TRAF5: variants seen among roughly 807,000 people sequenced by gnomAD.
TRAF5 encodes TNF receptor associated factor 5.
In TRAF5, 48 loss-of-function variants were observed where a neutral mutation model predicts 64.5. That is an observed-to-expected ratio of 0.74 (90% CI 0.59 to 0.95). The LOEUF is 0.95. Among genes scored for constraint, TRAF5 ranks in the 40% least tolerant of loss-of-function variants. The pLI is 0.00. For missense variants in TRAF5, 545 were observed against 662.8 expected, an observed-to-expected ratio of 0.82 and a Z score of 1.95; for synonymous variants, 206 against 240.5, an observed-to-expected ratio of 0.86 and a Z score of 1.33.
Position 211,359,956 on chromosome 1 carries a change from T to C in TRAF5, c.423T>C (p.Asn141=), listed in dbSNP as rs1703120879. The change falls in exon 5 of 11, where the codon AAT becomes AAC. Residue 141 remains asparagine, a synonymous_variant. Coordinates refer to ENST00000261464, the MANE Select transcript of TRAF5 (RefSeq NM_001033910.3). ...TATTTCAACCTGTGCAGTGTTCTAA[T>C]GAGAAGTGCCGGGAGCCAGTCCTAC... is the stretch of plus-strand genomic sequence containing the variant. ...QCLFQPVQCS[N]EKCREPVLRK... The C allele has an allele frequency of 1.9e-6, 3 of 1,613,896 alleles. No homozygotes were observed. The highest frequency in any genetic ancestry group is 2.5e-6 in the Non-Finnish European group (3 of 1,179,798).
intron 1 of TRAF5, among the ~76,000 whole-genome samples, chr1:211,351,229 C>T (rs886312759): frequency 1.3e-5 from 2 of 151,732 alleles, no homozygotes; most frequent in African/African-American, 2.4e-5. Context: ...GGTTTCACCG[C>T]GTTAGCCAGG....
chr1:211,363,001 TAAATG>T lies in TRAF5; in HGVS notation c.696+1840_696+1844del, dbSNP rs200678206. On this transcript the variant is annotated intron_variant, in intron 7 of 10. Transcript: ENST00000261464. Reference sequence around the variant, plus strand: ...TCCAGAAAAAAATTCATTTGGCTGATAAATGTAAGAAAAGATGCTCAGTTTCACTC... The same window carrying T: ...TCCAGAAAAAAATTCATTTGGCTGATTAAGAAAAGATGCTCAGTTTCACTC... 5.5e-3 allele frequency among the ~76,000 whole-genome samples: 844 copies of T among 152,294 alleles called. 4 individuals are homozygous for T. The highest frequency in any genetic ancestry group is 0.054 in the Middle Eastern group (16 of 294).
intron 3 of TRAF5, among the ~76,000 whole-genome samples, chr1:211,355,782 A>G (rs1464444175): frequency 6.6e-6 from 1 of 152,254 alleles, no homozygotes; most frequent in African/African-American, 2.4e-5. Context: ...TTCATTTTAA[A>G]TAATCCAAAG....
At position 211,372,654 on chromosome 1, in the gene TRAF5, T is replaced by C. The variant is rs1038179578; in HGVS notation, c.1626T>C (p.Thr542=). 4.3e-6 allele frequency: 7 copies of C among 1,614,032 alleles called. No homozygotes were observed. The highest frequency in any genetic ancestry group is 5.9e-6 in the Non-Finnish European group (7 of 1,180,034). ...AGAACGCCTACATTAAAGATGACACTCTGTTCTTGAAAGTGGCCGTGGACT... is the reference window on the plus strand; with the variant it reads ...AGAACGCCTACATTAAAGATGACACCCTGTTCTTGAAAGTGGCCGTGGACT... ...NAKNAYIKDD[T]LFLKVAVDLT... is the part of the protein sequence containing the mutation. Residue 542 remains threonine (T), a synonymous_variant, in exon 11 of 11, where the codon ACT becomes ACC. Coordinates refer to ENST00000261464, the MANE Select transcript of TRAF5 (RefSeq NM_001033910.3).
At chr1:211,351,633 C>A (rs535693594) in intron 1 of TRAF5, among the ~76,000 whole-genome samples, 3 of 152,048 alleles carry the variant, frequency 2.0e-5, no homozygotes, top group South Asian at 4.2e-4. Context: ...ATTCTGAGTT[C>A]ATTTTTGTGA....
chr1:211,353,505 A>C, intron 2 of TRAF5, 48 bp downstream of exon 2: 1 of 1,561,412 alleles, frequency 6.4e-7, no homozygotes, highest in Non-Finnish European at 8.7e-7. Context: ...CCTAGCATCC[A>C]GGTGGCAACT....
At chr1:211,356,222 G>A (rs986191545) in intron 3 of TRAF5, 145 bp from the exon 4 acceptor site, 10 of 595,864 alleles carry the variant, frequency 1.7e-5, no homozygotes, top group Non-Finnish European at 2.7e-5. Context: ...TCAGTGTGGT[G>A]TAAGTGTGAT....
intron 1 of TRAF5, among the ~76,000 whole-genome samples, chr1:211,334,528 C>T (rs1185610818): frequency 1.3e-5 from 2 of 152,006 alleles, no homozygotes; most frequent in Admixed American, 6.6e-5. Context: ...CTTGGTGGCA[C>T]GCACCTGTAG....
chr1:211,333,493 T>G (rs1352630486), intron 1 of TRAF5, among the ~76,000 whole-genome samples: 1 of 151,640 alleles, frequency 6.6e-6, no homozygotes, highest in Admixed American at 6.6e-5. Flanking sequence ...TGAGCCACGG[T>G]GCCCAGTCTT....
At chr1:211,347,037 G>A (rs1702632207) in intron 1 of TRAF5, among the ~76,000 whole-genome samples, 1 of 152,000 alleles carries the variant, frequency 6.6e-6, no homozygotes, top group South Asian at 2.1e-4. Context: ...GAATACGAAT[G>A]CCATTGACTG....
intron 1 of TRAF5, among the ~76,000 whole-genome samples, chr1:211,347,856 G>A (rs1702660369): frequency 1.3e-5 from 2 of 152,206 alleles, no homozygotes. Context: ...CCAATTGTGT[G>A]CATCTCTTTC....
chr1:211,349,992 TGAGA>T (rs67567177), intron 1 of TRAF5, among the ~76,000 whole-genome samples: 94,925 of 151,636 alleles, frequency 0.63, 32,299 homozygotes, highest in Non-Finnish European at 0.76. Context: ...TCCAGTTCTC[TGAGA>T]GAAAGGTGGG....
chr1:211,360,568 CT>C, intron 5 of TRAF5, 133 bp from the exon 6 acceptor site: 4 of 628,830 alleles, frequency 6.4e-6, no homozygotes, highest in South Asian at 2.2e-5. Flanking sequence ...ATCTTTAATC[CT>C]TTTTTGGAAT....
rs761677960 is a variant in TRAF5 at position 211,354,388 on chromosome 1, C to G, written c.219-22C>G. The G allele has an allele frequency of 2.7e-5, 44 of 1,612,924 alleles. No individual in the cohort carries two copies. The Admixed American group carries it at 6.0e-4, about 22-fold the overall frequency. On this transcript the variant is annotated intron_variant, in intron 2 of 10. Coordinates refer to ENST00000261464, the MANE Select transcript of TRAF5 (RefSeq NM_001033910.3). ...TTGAGGTAAACAACTAACTCTGGCT[C>G]CATTTTAATTTTTTTCTCCAGAGAA...
At chr1:211,341,732 G>A (rs1245993278) in intron 1 of TRAF5, among the ~76,000 whole-genome samples, 3 of 152,228 alleles carry the variant, frequency 2.0e-5, no homozygotes, top group Non-Finnish European at 4.4e-5. Context: ...GAGCTCCAGG[G>A]GGTGGGGAAT....
chr1:211,345,494 C>T (rs1051032972), intron 1 of TRAF5, among the ~76,000 whole-genome samples: 7 of 152,120 alleles, frequency 4.6e-5, no homozygotes, highest in African/African-American at 9.7e-5. Context: ...TGGAACCCAC[C>T]GAGGGCATGG....
At chr1:211,326,755 C>G, upstream of TRAF5, 1 of 984,944 alleles carries the variant, frequency 1.0e-6, no homozygotes, top group Non-Finnish European at 1.2e-6. The surrounding 1 kb of genome is among the most constrained non-coding windows in gnomAD (Gnocchi z 5.0). Flanking sequence ...TCCCCTGCGC[C>G]CGCCCGCGCC....
At position 211,369,568 on chromosome 1, in the gene TRAF5, T is replaced by A; in HGVS notation, c.906T>A (p.Asn302Lys). 1.9e-6 allele frequency: 3 copies of A among 1,591,916 alleles called. No homozygotes were observed. Among genetic ancestry groups the A allele is most frequent in the Non-Finnish European group, 2.6e-6 (3 of 1,171,890 alleles). The change falls in exon 9 of 11, where the codon AAT becomes AAA. Residue 302 changes from asparagine to lysine, a missense_variant. Physicochemically the swap from Asn to Lys is moderately conservative, Grantham distance 94. Transcript: ENST00000261464. ...AGTTTGCACAGTTGTTTGGCAAAAA[T>A]GGAAGCTTCCTCCCAAACATCCAGG... ...FKQFAQLFGK[N>K]GSFLPNIQVF... is the part of the protein sequence containing the mutation.
rs374099125 is a variant in TRAF5 at position 211,359,982 on chromosome 1, G to A, written c.449G>A (p.Arg150Gln). 2.6e-5 allele frequency: 42 copies of A among 1,613,954 alleles called. No homozygotes were observed. The highest frequency in any genetic ancestry group is 1.6e-4 in the Middle Eastern group (1 of 6,082). ...SNEKCREPVL[R>Q]KDLKEHLSAS... ...GAGAAGTGCCGGGAGCCAGTCCTAC[G>A]GAAAGACCTGAAAGAGCATTTGAGT... Residue 150 changes from arginine (R) to glutamine (Q), a missense_variant, in exon 5 of 11, where the codon CGG (arginine) becomes CAG (glutamine). Arg to Gln is a conservative substitution (Grantham distance 43). Coordinates refer to ENST00000261464, the MANE Select transcript of TRAF5 (RefSeq NM_001033910.3).
Sources: allele counts gnomAD v4.1 joint callset (sites outside exome capture counted in the v4.1 genomes callset), GRCh38; gene constraint gnomAD v4.1.1; non-coding constraint Gnocchi (gnomAD v3.1); transcripts MANE v1.5; gene names NCBI Gene and HGNC (gene_info 2026-07-23, HGNC 2026-07-21).